The following TTLL7 variants were observed in gnomAD, a reference collection of about 807,000 sequenced individuals.
TTLL7 encodes tubulin tyrosine ligase like 7.
Under a neutral mutation model 120.2 loss-of-function variants are expected in TTLL7, and 53 were observed. The ratio of observed to expected loss-of-function variants is 0.44; its 90% confidence interval spans 0.35 to 0.55. The LOEUF (loss-of-function observed/expected upper bound fraction) is 0.55. TTLL7 is among the 20% of genes least tolerant of loss of function. The probability of loss-of-function intolerance (pLI) is 0.00; values close to 1 mark genes in which losing one functional copy is unlikely to be tolerated. For missense variants in TTLL7, 803 were observed against 1,054.7 expected (o/e 0.76, Z 3.31); for synonymous variants, 353 against 351.7 (o/e 1.00, Z -0.04).
chr1:83,924,896 G>A (rs935710521), intron 10 of TTLL7, among the ~76,000 whole-genome samples: 18 of 152,274 alleles, frequency 1.2e-4, no homozygotes, highest in African/African-American at 4.3e-4. Context: ...AACAAGAAAT[G>A]ATGAGGTTGG....
In TTLL7 at chr1:83,865,477, T is replaced by A. The variant is rs758305131; in HGVS notation, c.*4485A>T. 2 of 152,022 alleles carry A rather than the reference T, an allele frequency of 1.3e-5. No individual in the cohort carries two copies. The highest frequency in any genetic ancestry group is 1.3e-4 in the Admixed American group (2 of 15,260). 9.4% of individuals were successfully genotyped at this position (152,022 alleles called of 1,614,324 possible). A position where few individuals can be genotyped will look rare whatever the true frequency, so the allele number is the denominator to read the frequency against. ...CCTGTAGATAATACAGCGCAGTTAATGTAGAATGTGTAACTTGAGTAATTT... is the reference window on the plus strand; with the variant it reads ...CCTGTAGATAATACAGCGCAGTTAAAGTAGAATGTGTAACTTGAGTAATTT... On this transcript the variant is annotated 3_prime_UTR_variant, in exon 21 of 21. Transcript: ENST00000260505.
At chr1:83,940,448 T>C (rs1417489789) in intron 7 of TTLL7, among the ~76,000 whole-genome samples, 2 of 152,154 alleles carry the variant, frequency 1.3e-5, no homozygotes, top group African/African-American at 2.4e-5. Flanking sequence ...ACAGATACAT[T>C]TGGAGGTCAC....
At chr1:83,896,711 C>G (rs1339039690) in intron 18 of TTLL7, among the ~76,000 whole-genome samples, 2 of 152,072 alleles carry the variant, frequency 1.3e-5, no homozygotes, top group Non-Finnish European at 2.9e-5. Context: ...AGAAGTAATA[C>G]TTGATAAACA....
chr1:83,942,706 A>G, intron 6 of TTLL7, 27 bp from the exon 7 acceptor site: 7 of 1,543,386 alleles, frequency 4.5e-6, no homozygotes, highest in Non-Finnish European at 5.3e-6. Context: ...AAATTAAAAG[A>G]ATGATTTGAC....
intron 1 of TTLL7, among the ~76,000 whole-genome samples, chr1:83,998,371 G>T (rs1002401377): frequency 6.6e-6 from 1 of 152,140 alleles, no homozygotes; most frequent in African/African-American, 2.4e-5. Context: ...CTTTCATAGG[G>T]TATCTTTTAC....
intron 1 of TTLL7, chr1:83,979,747 C>G (rs971518941): frequency 6.6e-6 from 1 of 152,182 alleles, no homozygotes; most frequent in Non-Finnish European, 1.5e-5. Flanking sequence ...AGTTCTCTTA[C>G]TCTCATAATT....
chr1:83,928,248 A>T (rs1659303507), intron 10 of TTLL7, among the ~76,000 whole-genome samples: 1 of 152,194 alleles, frequency 6.6e-6, no homozygotes. Flanking sequence ...AAACATCTTA[A>T]ATTTAAAAAT....
At chr1:83,925,175 C>T (rs113639327) in intron 10 of TTLL7, among the ~76,000 whole-genome samples, 71 of 151,834 alleles carry the variant, frequency 4.7e-4, no homozygotes, top group African/African-American at 1.6e-3. Context: ...AAATAGATAC[C>T]TCTATCTCCT....
At chr1:83,970,846 T>C (rs1020628927) in intron 1 of TTLL7, among the ~76,000 whole-genome samples, 1 of 151,984 alleles carries the variant, frequency 6.6e-6, no homozygotes, top group Non-Finnish European at 1.5e-5. Flanking sequence ...GACAGCTTCA[T>C]GGTGGGTGGC....
chr1:83,916,662 T>G (rs1318585545), intron 14 of TTLL7, among the ~76,000 whole-genome samples: 2 of 151,720 alleles, frequency 1.3e-5, no homozygotes, highest in African/African-American at 4.8e-5. Context: ...GAAAATATGA[T>G]AGAAGACAAA....
rs369247373 is a variant in TTLL7 at position 83,970,319 on chromosome 1, A to C, written c.-176-17932T>G. On this transcript the variant is annotated intron_variant, in intron 1 of 20. Coordinates refer to ENST00000260505, the MANE Select transcript of TTLL7 (RefSeq NM_024686.6). Reference sequence around the variant, plus strand: ...AGGAATTCAAGCCAAGACTGAGATCATTATGTGAAAATAGCTAGCAGTGAA... The same window carrying C: ...AGGAATTCAAGCCAAGACTGAGATCCTTATGTGAAAATAGCTAGCAGTGAA... Among the ~76,000 whole-genome samples the C allele has an allele frequency of 4.3e-4, 66 of 152,230 alleles. 1 individual carries two copies. In the South Asian group the frequency reaches 0.013, roughly 30 times the overall value.
chr1:83,919,141 CGGA>C (rs1320144990), intron 13 of TTLL7, among the ~76,000 whole-genome samples: 1 of 151,838 alleles, frequency 6.6e-6, no homozygotes, highest in African/African-American at 2.4e-5. Context: ...GAAAGACAAG[CGGA>C]AGAACCACTC....
At chr1:83,953,862 A>G (rs1419321975) in intron 1 of TTLL7, among the ~76,000 whole-genome samples, 1 of 152,196 alleles carries the variant, frequency 6.6e-6, no homozygotes, top group African/African-American at 2.4e-5. Flanking sequence ...ACTGCAGTAC[A>G]TGCCGCAAGA....
chr1:83,947,356 T>C, intron 5 of TTLL7, 74 bp from the exon 6 acceptor site: 2 of 1,328,832 alleles, frequency 1.5e-6, no homozygotes, highest in Non-Finnish European at 2.1e-6. Context: ...GGGCTACTGA[T>C]ATTTGCCACA....
intron 18 of TTLL7, among the ~76,000 whole-genome samples, chr1:83,900,404 G>C (rs1398859584): frequency 6.6e-6 from 1 of 152,012 alleles, no homozygotes; most frequent in Non-Finnish European, 1.5e-5. Context: ...TGAATACAAA[G>C]TGCCATGAAG....
chr1:83,970,491 C>T (rs1037011865), intron 1 of TTLL7, among the ~76,000 whole-genome samples: 15 of 152,044 alleles, frequency 9.9e-5, no homozygotes, highest in Non-Finnish European at 2.1e-4. Flanking sequence ...ATCCTAGAAT[C>T]TTTTTTCCTA....
chr1:83,922,682 T>C (rs1016106319), intron 10 of TTLL7, among the ~76,000 whole-genome samples: 3 of 139,900 alleles, frequency 2.1e-5, no homozygotes, highest in Non-Finnish European at 3.1e-5. Context: ...GCTTCTCACA[T>C]GGACTTGAAT....
In TTLL7 at chr1:83,917,627, T is replaced by C. The variant is rs200358438; in HGVS notation, c.1564A>G (p.Thr522Ala). 2 of 1,613,208 alleles carry C rather than the reference T, an allele frequency of 1.2e-6. No homozygotes were observed. The highest frequency in any genetic ancestry group is 2.2e-5 in the East Asian group (1 of 44,822). ...ACCTTTGGTCCTCGAGTCTTGGTAG[T>C]TTTTCCCATCAACTTTTCATCATCA... is the stretch of plus-strand genomic sequence containing the variant. ...EIDDEKLMGK[T>A]TKTRGPKPLC... Residue 522 changes from threonine to alanine, a missense_variant, in exon 14 of 21, where the codon ACT becomes GCT. By Grantham distance (58) the Thr-to-Ala change is moderately conservative (BLOSUM62 0). This residue lies in a region of TTLL7 where 388 missense variants were observed against 450.4 expected (regional missense o/e 0.86). Coordinates refer to ENST00000260505, the MANE Select transcript of TTLL7 (RefSeq NM_024686.6).
At chr1:83,960,389 A>C (rs1418559683) in intron 1 of TTLL7, among the ~76,000 whole-genome samples, 1 of 152,182 alleles carries the variant, frequency 6.6e-6, no homozygotes, top group Non-Finnish European at 1.5e-5. Context: ...ATTACAGATA[A>C]AAGCAACAGA....
Sources: allele counts gnomAD v4.1 joint callset (sites outside exome capture counted in the v4.1 genomes callset), GRCh38; gene constraint gnomAD v4.1.1; regional missense constraint gnomAD v4.1.1; transcripts MANE v1.5; gene names NCBI Gene and HGNC (gene_info 2026-07-23, HGNC 2026-07-21).